The following RPS6KC1 variants were observed in gnomAD, a reference collection of about 807,000 sequenced individuals.
RPS6KC1 encodes inactive ribosomal protein S6 kinase delta-1.
Under a neutral mutation model 103.8 loss-of-function variants are expected in RPS6KC1, and 54 were observed. The ratio of observed to expected loss-of-function variants is 0.52; its 90% CI spans 0.42 to 0.65. The LOEUF (loss-of-function observed/expected upper bound fraction) is 0.65. Ranked by LOEUF, RPS6KC1 falls within the 30% of genes least tolerant of loss-of-function variation. The probability of loss-of-function intolerance (pLI) is 0.00; values close to 1 mark genes in which losing one functional copy is unlikely to be tolerated. For synonymous variants in RPS6KC1, 439 were observed against 438.7 expected (o/e 1.00, Z -0.01); for missense variants, 1,151 against 1,253.8 (o/e 0.92, Z 1.24).
At chr1:213,667,354 AT>A in the RPS6KC1 span, among the ~76,000 whole-genome samples, 1 of 152,210 alleles carries the variant, frequency 6.6e-6, no homozygotes, top group Non-Finnish European at 1.5e-5. Context: ...AAGCATGCAC[AT>A]TTTTTGGCTT....
intron 6 of RPS6KC1, among the ~76,000 whole-genome samples, chr1:213,151,187 C>T (rs1249785002): frequency 7.1e-6 from 1 of 140,504 alleles, no homozygotes; most frequent in Non-Finnish European, 1.6e-5. Context: ...CCCCACCTCC[C>T]TCCCGGATGG....
At chr1:213,124,486 G>C (rs1384650677) in intron 5 of RPS6KC1, among the ~76,000 whole-genome samples, 1 of 152,106 alleles carries the variant, frequency 6.6e-6, no homozygotes, top group African/African-American at 2.4e-5. Context: ...GCTTCAGGGA[G>C]CTAGTTTGCG....
At chr1:213,696,137 CTG>C in the RPS6KC1 span, among the ~76,000 whole-genome samples, 1 of 152,216 alleles carries the variant, frequency 6.6e-6, no homozygotes, top group African/African-American at 2.4e-5. Context: ...TAGTTGTTGA[CTG>C]TCACTTTAGT....
chr1:213,574,577 G>C, the RPS6KC1 span, among the ~76,000 whole-genome samples: 1 of 152,102 alleles, frequency 6.6e-6, no homozygotes, highest in Non-Finnish European at 1.5e-5. Flanking sequence ...ACAGATCCAA[G>C]AATTCTTACG....
the RPS6KC1 span, among the ~76,000 whole-genome samples, chr1:213,612,218 A>G: frequency 1.3e-5 from 2 of 152,226 alleles, no homozygotes; most frequent in Non-Finnish European, 2.9e-5. Flanking sequence ...CAAGCCTTTC[A>G]AGGAATTCTG....
At chr1:213,854,810 G>C in the RPS6KC1 span, among the ~76,000 whole-genome samples, 1 of 152,146 alleles carries the variant, frequency 6.6e-6, no homozygotes, top group South Asian at 2.1e-4. Flanking sequence ...TAGAGTCTTC[G>C]CTGAGCCTGG....
chr1:213,812,787 C>G, the RPS6KC1 span, among the ~76,000 whole-genome samples: 1 of 152,150 alleles, frequency 6.6e-6, no homozygotes, highest in Non-Finnish European at 1.5e-5. Context: ...GCTCCTCTTC[C>G]TATACCTGGC....
At chr1:213,640,219 A>C in the RPS6KC1 span, among the ~76,000 whole-genome samples, 2 of 151,882 alleles carry the variant, frequency 1.3e-5, no homozygotes, top group African/African-American at 4.8e-5. Flanking sequence ...ATTTCCTTTT[A>C]ATGCCTGTGA....
At chr1:213,789,762 T>G in the RPS6KC1 span, among the ~76,000 whole-genome samples, 1 of 151,998 alleles carries the variant, frequency 6.6e-6, no homozygotes, top group African/African-American at 2.4e-5. Context: ...ACAAGAAAAA[T>G]GAGAAAAAGA....
chr1:213,363,775 T>TCTC, the RPS6KC1 span, among the ~76,000 whole-genome samples: 42 of 82,092 alleles, frequency 5.1e-4, 11 homozygotes, highest in Middle Eastern at 5.4e-3. Flanking sequence ...TCTTTCTTTC[T>TCTC]TTCTTTCTTT....
chr1:213,683,583 G>A, the RPS6KC1 span, among the ~76,000 whole-genome samples: 1 of 152,080 alleles, frequency 6.6e-6, no homozygotes, highest in Non-Finnish European at 1.5e-5. Context: ...AATTTAGCTC[G>A]GCTTGGAAGG....
the RPS6KC1 span, among the ~76,000 whole-genome samples, chr1:213,587,401 G>T: frequency 4.6e-5 from 7 of 152,176 alleles, no homozygotes; most frequent in Non-Finnish European, 8.8e-5. Context: ...AAGTATGAAA[G>T]GCTGGAGATG....
chr1:213,692,396 A>C, the RPS6KC1 span, among the ~76,000 whole-genome samples: 1 of 151,728 alleles, frequency 6.6e-6, no homozygotes, highest in Non-Finnish European at 1.5e-5. Context: ...CTCAAAAAAA[A>C]AAAAAAATAA....
At chr1:213,264,511 A>T (rs1177515474) in intron 14 of RPS6KC1, among the ~76,000 whole-genome samples, 3 of 152,156 alleles carry the variant, frequency 2.0e-5, no homozygotes, top group African/African-American at 7.2e-5. Context: ...ATTCCTCATA[A>T]TAAGTTACCA....
At chr1:213,088,683 A>G (rs1436683408) in intron 3 of RPS6KC1, among the ~76,000 whole-genome samples, 1 of 151,994 alleles carries the variant, frequency 6.6e-6, no homozygotes, top group African/African-American at 2.4e-5. Flanking sequence ...TTTTTTTTAT[A>G]TTAAACTTTT....
chr1:213,274,044 T>A lies in RPS6KC1; in HGVS notation c.*1410T>A, dbSNP rs930476600. 3.9e-5 allele frequency: 6 copies of A among 152,210 alleles called. No individual in the cohort carries two copies. Among genetic ancestry groups the A allele is most frequent in the Non-Finnish European group, 8.8e-5 (6 of 68,036 alleles). The allele number at this position is 152,210 out of a possible 1,614,324, so 9.4% of individuals were successfully genotyped here. On this transcript the variant is annotated 3_prime_UTR_variant, in exon 15 of 15. Coordinates refer to ENST00000366960, the MANE Select transcript of RPS6KC1 (RefSeq NM_012424.6). ...TTAAATGGAACAGAAAATGCTCTAG[T>A]GAAACAAAGGAAATGTGCAAGCATT...
At chr1:213,495,570 CTTGG>C in the RPS6KC1 span, among the ~76,000 whole-genome samples, 1 of 152,226 alleles carries the variant, frequency 6.6e-6, no homozygotes, top group Non-Finnish European at 1.5e-5. Context: ...ATCTGCCTGC[CTTGG>C]TCTCCCAAAG....
the RPS6KC1 span, among the ~76,000 whole-genome samples, chr1:213,665,296 A>G: frequency 6.6e-6 from 1 of 152,170 alleles, no homozygotes; most frequent in East Asian, 1.9e-4. Context: ...AAAGAGGTTA[A>G]GATCCTTAAT....
At chr1:213,506,706 T>C in the RPS6KC1 span, among the ~76,000 whole-genome samples, 1 of 152,210 alleles carries the variant, frequency 6.6e-6, no homozygotes, top group Non-Finnish European at 1.5e-5. Context: ...TATCAATGTC[T>C]GGTAATTATT....
Sources: allele counts gnomAD v4.1 joint callset (sites outside exome capture counted in the v4.1 genomes callset), GRCh38; gene constraint gnomAD v4.1.1; transcripts MANE v1.5; gene names NCBI Gene and HGNC (gene_info 2026-07-23, HGNC 2026-07-21).